ABRAXAS1: variants seen among roughly 807,000 people sequenced by gnomAD.
ABRAXAS1 encodes BRCA1-A complex subunit Abraxas 1.
In ABRAXAS1, 26 loss-of-function variants were observed where a neutral mutation model predicts 38.4. The ratio of observed to expected loss-of-function variants is 0.68; its 90% CI spans 0.50 to 0.94. The LOEUF is 0.94. Among genes scored for constraint, ABRAXAS1 ranks in the 40% least tolerant of loss-of-function variants. The pLI is 0.00. For synonymous variants in ABRAXAS1, 144 were observed against 165.5 expected, an observed-to-expected ratio of 0.87 and a Z score of 1.00; for missense variants, 438 against 481.9, an observed-to-expected ratio of 0.91 and a Z score of 0.85.
At chr4:83,478,099 C>A in intron 2 of ABRAXAS1, 1 of 871,292 alleles carries the variant, frequency 1.1e-6, no homozygotes, top group Non-Finnish European at 1.9e-6. Context: ...AGCTACCAGT[C>A]TATGATTTTA....
intron 8 of ABRAXAS1, among the ~76,000 whole-genome samples, chr4:83,463,109 T>C (rs1054189598): frequency 2.0e-5 from 3 of 152,190 alleles, no homozygotes; most frequent in East Asian, 3.8e-4. Flanking sequence ...GTCAGCAATA[T>C]AGCTACCATA....
At chr4:83,473,455 T>C (rs1722654623) in intron 3 of ABRAXAS1, among the ~76,000 whole-genome samples, 1 of 152,058 alleles carries the variant, frequency 6.6e-6, no homozygotes, top group South Asian at 2.1e-4. Flanking sequence ...CTGCACATCA[T>C]CTCTGGAAGC....
At chr4:83,482,057 A>C in intron 2 of ABRAXAS1, 97 bp downstream of exon 2, 1 of 785,036 alleles carries the variant, frequency 1.3e-6, no homozygotes. Flanking sequence ...TGTATTTCCT[A>C]ATTTAAAAAT....
rs768123031 is a variant in ABRAXAS1, at chr4:83,461,635, A to C, written c.*834T>G. ...CCCTCAAACCAGTAGTGTCTTTTAC[A>C]TGAAGAGATGATTTACACCTAATAG... On this transcript the variant is annotated 3_prime_UTR_variant, in exon 9 of 9. Transcript: ENST00000321945. 3.6e-6 allele frequency: 1 copy of C among 275,678 alleles called. No homozygotes were observed. The highest frequency in any genetic ancestry group is 7.0e-6 in the Non-Finnish European group (1 of 142,384). The allele number at this position is 275,678 out of a possible 1,614,324, so 17.1% of individuals were successfully genotyped here.
chr4:83,461,213 C>T lies in ABRAXAS1; in HGVS notation c.*1256G>A. The stretch of plus-strand genomic sequence containing the variant: ...TCGGGAATAAATTCTATCACGTTAC[C>T]ACTAATAAACTTATTTTACAGTAAG... On this transcript the variant is annotated 3_prime_UTR_variant, in exon 9 of 9. Coordinates refer to ENST00000321945, the MANE Select transcript of ABRAXAS1 (RefSeq NM_139076.3). The T allele has an allele frequency of 6.2e-7, 1 of 1,603,730 alleles. No individual in the cohort carries two copies.
intron 1 of ABRAXAS1, among the ~76,000 whole-genome samples, chr4:83,484,422 T>G (rs1418521097): frequency 6.6e-6 from 1 of 152,264 alleles, no homozygotes; most frequent in Non-Finnish European, 1.5e-5. Context: ...TTTTAAAAAC[T>G]GTTTTAACAA....
intron 7 of ABRAXAS1, among the ~76,000 whole-genome samples, chr4:83,466,658 C>T (rs1385805163): frequency 6.6e-6 from 1 of 152,128 alleles, no homozygotes; most frequent in Non-Finnish European, 1.5e-5. Flanking sequence ...GCCTCAGCCA[C>T]CCGAGTAGCT....
At position 83,461,762 on chromosome 4, in the gene ABRAXAS1, TGATA is replaced by T; in HGVS notation, c.*703_*706del. 1 of 228,442 alleles carries T rather than the reference TGATA, an allele frequency of 4.4e-6. No homozygotes were observed. Among genetic ancestry groups the T allele is most frequent in the Non-Finnish European group, 8.7e-6 (1 of 115,156 alleles). The allele number at this position is 228,442 out of a possible 1,614,324, so 14.2% of individuals were successfully genotyped here. ...TACCAGGCTTGTACTGTATTCAAAATGATAGATTTGCTAAATTTCATGCAAAGGA... is the reference window on the plus strand; with the variant it reads ...TACCAGGCTTGTACTGTATTCAAAATGATTTGCTAAATTTCATGCAAAGGA... On this transcript the variant is annotated 3_prime_UTR_variant, in exon 9 of 9. Transcript: ENST00000321945.
Position 83,470,189 on chromosome 4 carries a change from T to G in ABRAXAS1, c.476+14A>C. 1 of 1,592,616 alleles carries G rather than the reference T, an allele frequency of 6.3e-7. No individual in the cohort carries two copies. The highest frequency in any genetic ancestry group is 8.6e-7 in the Non-Finnish European group (1 of 1,168,116). On this transcript the variant is annotated intron_variant, in intron 5 of 8. Transcript: ENST00000321945. ...CTATTAGTTTAATACAGCCAGTGAC[T>G]GGCCAACATTTACCCTTTTTGAGGT... is the stretch of plus-strand genomic sequence containing the variant.
In ABRAXAS1 at chr4:83,461,164, C is replaced by A; in HGVS notation, c.*1305G>T. On this transcript the variant is annotated 3_prime_UTR_variant, in exon 9 of 9. Transcript: ENST00000321945. ...ACAAGGATCCTGCATATCTCAAGGA[C>A]CCTAAAGTTTGTAACATCAGATATC... 6.2e-7 allele frequency: 1 copy of A among 1,612,880 alleles called. No homozygotes were observed. The highest frequency in any genetic ancestry group is 8.5e-7 in the Non-Finnish European group (1 of 1,179,682).
In ABRAXAS1 at chr4:83,462,371, T is replaced by G. The variant is rs1225231901; in HGVS notation, c.*98A>C. The G allele has an allele frequency of 1.9e-6, 2 of 1,059,696 alleles. No individual in the cohort carries two copies. The highest frequency in any genetic ancestry group is 2.8e-6 in the Non-Finnish European group (2 of 724,492). 65.6% of individuals were successfully genotyped at this position (1,059,696 alleles called of 1,614,324 possible). A position where few individuals can be genotyped will look rare whatever the true frequency, so the allele number is the denominator to read the frequency against. On this transcript the variant is annotated 3_prime_UTR_variant, in exon 9 of 9. Transcript: ENST00000321945. ...AACAGGTGAACATAGTAAAAACAAA[T>G]GAACTTACTGCAAGTAGCTCAACAT...
intron 5 of ABRAXAS1, 45 bp downstream of exon 5, chr4:83,470,157 TA>T (rs1416648393): frequency 1.1e-5 from 16 of 1,454,674 alleles, no homozygotes; most frequent in African/African-American, 1.4e-5. Context: ...GTATTAGATA[TA>T]TTTTTCTATT....
Position 83,461,357 on chromosome 4 carries a change from TA to T in ABRAXAS1, c.*1111del. 1 of 611,814 alleles carries T rather than the reference TA, an allele frequency of 1.6e-6. No homozygotes were observed. The highest frequency in any genetic ancestry group is 1.9e-5 in the South Asian group (1 of 52,946). 37.9% of individuals were successfully genotyped at this position (611,814 alleles called of 1,614,324 possible). The stretch of plus-strand genomic sequence containing the variant: ...ATGTCCATTAAGCAGATTGCTTATT[TA>T]AAATGTTAACACTCATCACATTTTA... On this transcript the variant is annotated 3_prime_UTR_variant, in exon 9 of 9. Transcript: ENST00000321945.
rs544462188 is a variant in ABRAXAS1 at position 83,462,972 on chromosome 4, T to TA, written c.797-71dup. On this transcript the variant is annotated intron_variant, in intron 8 of 8. Coordinates refer to ENST00000321945, the MANE Select transcript of ABRAXAS1 (RefSeq NM_139076.3). ...CAAAGCTTTTATAATTAACTATTTG[T>TA]AAGTAAAATTAAGTCAAAAAGATTT... 106 of 1,006,734 alleles carry TA rather than the reference T, an allele frequency of 1.1e-4. No individual in the cohort carries two copies. The African/African-American group carries it at 1.6e-3, about 15-fold the overall frequency. The allele number at this position is 1,006,734 out of a possible 1,614,324, so 62.4% of individuals were successfully genotyped here.
At chr4:83,463,437 A>C in intron 8 of ABRAXAS1, 57 bp downstream of exon 8, 1 of 1,242,872 alleles carries the variant, frequency 8.0e-7, no homozygotes, top group Non-Finnish European at 1.1e-6. Flanking sequence ...CGTCTCAAAA[A>C]TAAATAAATA....
chr4:83,476,470 A>C (rs899606501), intron 3 of ABRAXAS1, among the ~76,000 whole-genome samples, 173 bp downstream of exon 3: 4 of 152,140 alleles, frequency 2.6e-5, no homozygotes, highest in African/African-American at 9.7e-5. Flanking sequence ...AAGAACTGCT[A>C]GGGTTGACAA....
At chr4:83,471,796 G>C (rs1415377079) in intron 4 of ABRAXAS1, among the ~76,000 whole-genome samples, 2 of 152,044 alleles carry the variant, frequency 1.3e-5, no homozygotes, top group African/African-American at 4.8e-5. Context: ...CTTGAACCCA[G>C]GAGGTGCACG....
intron 4 of ABRAXAS1, among the ~76,000 whole-genome samples, chr4:83,471,532 T>C (rs1421986047): frequency 1.3e-5 from 2 of 152,164 alleles, no homozygotes; most frequent in African/African-American, 4.8e-5. Context: ...AATTAATCTA[T>C]TTTTATTTTC....
intron 7 of ABRAXAS1, among the ~76,000 whole-genome samples, chr4:83,464,739 ATCT>A (rs1722284367): frequency 1.3e-5 from 2 of 152,192 alleles, no homozygotes; most frequent in Non-Finnish European, 2.9e-5. Flanking sequence ...CAATTGGCAG[ATCT>A]TATGCTCTAG....
Sources: gnomAD v4.1 joint callset for allele counts (sites outside exome capture counted in the v4.1 genomes callset) on GRCh38, gnomAD v4.1.1 for gene constraint, MANE v1.5 for transcripts, NCBI Gene and HGNC (gene_info 2026-07-23, HGNC 2026-07-21) for gene names.